MYO1E: variants seen among roughly 807,000 people sequenced by gnomAD.
The protein encoded by MYO1E is unconventional myosin-Ie.
In MYO1E, 68 loss-of-function variants were observed where a neutral mutation model predicts 151.1. The observed-to-expected ratio is 0.45, with a 90% CI of 0.37 to 0.55. MYO1E has a LOEUF of 0.55. Ranked by LOEUF, MYO1E falls within the 20% of genes least tolerant of loss-of-function variation. MYO1E has a pLI of 0.00. For synonymous variants in MYO1E, 601 were observed against 501.7 expected, an observed-to-expected ratio of 1.20 and a Z score of -2.64; for missense variants, 1,363 against 1,389.3, an observed-to-expected ratio of 0.98 and a Z score of 0.30.
chr15:59,244,897 T>C lies in MYO1E; in HGVS notation c.333-8225A>G, dbSNP rs530957604. ...ATATTAATTAGGCAGCCCTCCTGAA[T>C]AGCACTCCTTGGCTGATGATAAAGG... On this transcript the variant is annotated intron_variant, in intron 4 of 27. Coordinates refer to ENST00000288235, the MANE Select transcript of MYO1E (RefSeq NM_004998.4). Among the ~76,000 whole-genome samples the C allele has an allele frequency of 9.8e-5, 15 of 152,322 alleles. No individual in the cohort carries two copies. The South Asian group carries it at 3.1e-3, about 32-fold the overall frequency.
intron 1 of MYO1E, chr15:59,341,372 CTTCT>C (rs2080764787): frequency 6.6e-6 from 1 of 152,004 alleles, no homozygotes; most frequent in Non-Finnish European, 1.5e-5. Flanking sequence ...CCATGCTAAT[CTTCT>C]CTGTGTCATT....
intron 4 of MYO1E, among the ~76,000 whole-genome samples, chr15:59,242,154 T>G (rs115536865): frequency 0.021 from 3,147 of 152,292 alleles, 115 homozygotes; most frequent in African/African-American, 0.072. Context: ...ACCGACAAAC[T>G]TGCCTTTACC....
intron 1 of MYO1E, among the ~76,000 whole-genome samples, chr15:59,362,871 A>C (rs1400624337): frequency 2.0e-5 from 3 of 152,168 alleles, no homozygotes; most frequent in Non-Finnish European, 2.9e-5. Flanking sequence ...GTATTCTGTA[A>C]TGTATTTAAG....
chr15:59,149,052 GTTTTTTTTTTT>G (rs570700878), intron 26 of MYO1E, among the ~76,000 whole-genome samples: 55 of 128,222 alleles, frequency 4.3e-4, no homozygotes, highest in South Asian at 5.2e-4. Context: ...TTTTTTTTTT[GTTTTTTTTTTT>G]TTTTTTTTTT....
intron 1 of MYO1E, among the ~76,000 whole-genome samples, chr15:59,335,626 CA>C (rs1222722848): frequency 2.6e-5 from 4 of 152,174 alleles, no homozygotes. Flanking sequence ...TGAAGTCCCC[CA>C]CCTGTTTTCC....
chr15:59,176,923 G>A (rs974639093), intron 19 of MYO1E, among the ~76,000 whole-genome samples: 2 of 152,142 alleles, frequency 1.3e-5, no homozygotes, highest in Non-Finnish European at 2.9e-5. Context: ...ACAATTGAAT[G>A]TAAGGCAAGG....
intron 26 of MYO1E, among the ~76,000 whole-genome samples, chr15:59,146,454 T>G (rs971878068): frequency 3.3e-5 from 5 of 152,054 alleles, no homozygotes; most frequent in Admixed American, 6.6e-5. Flanking sequence ...TAGCTGGGAT[T>G]ATAGGCACCT....
chr15:59,212,303 C>G (rs1403937504), intron 12 of MYO1E, among the ~76,000 whole-genome samples: 3 of 151,994 alleles, frequency 2.0e-5, no homozygotes, highest in African/African-American at 4.8e-5. Flanking sequence ...ATGTGAACCT[C>G]TAGCCTACCC....
chr15:59,347,235 C>T (rs1354764021), intron 1 of MYO1E, among the ~76,000 whole-genome samples: 1 of 152,184 alleles, frequency 6.6e-6, no homozygotes, highest in African/African-American at 2.4e-5. Flanking sequence ...AGCACAAAGC[C>T]CATTGTGAAC....
At chr15:59,180,723 A>C (rs2079653274) in intron 18 of MYO1E, among the ~76,000 whole-genome samples, 1 of 152,044 alleles carries the variant, frequency 6.6e-6, no homozygotes, top group African/African-American at 2.4e-5. Flanking sequence ...CCAGGGCATA[A>C]ACCAACAACA....
Position 59,188,135 on chromosome 15 carries a change from G to C in MYO1E, c.1887C>G (p.Phe629Leu). 6.2e-7 allele frequency: 1 copy of C among 1,613,874 alleles called. No homozygotes were observed. The highest frequency in any genetic ancestry group is 8.5e-7 in the Non-Finnish European group (1 of 1,179,882). The change falls in exon 18 of 28, where the codon TTC (phenylalanine) becomes TTG (leucine). Residue 629 changes from phenylalanine (F) to leucine (L), a missense_variant. Phe to Leu is a conservative substitution (Grantham distance 22). Transcript: ENST00000288235. ...RRAGYAYRRI[F>L]QKFLQRYAIL... ...TTCATTACCTCTGTAGGAATTTTTG[G>C]AAGATGCGCCGATAGGCATAGCCAG...
chr15:59,252,740 A>C (rs2140368454), intron 4 of MYO1E, among the ~76,000 whole-genome samples: 1 of 149,656 alleles, frequency 6.7e-6, no homozygotes, highest in Non-Finnish European at 1.5e-5. Flanking sequence ...CGAAAGAATT[A>C]GCCAGGCATG....
chr15:59,338,883 G>T (rs1372588885), intron 1 of MYO1E, among the ~76,000 whole-genome samples: 1 of 152,224 alleles, frequency 6.6e-6, no homozygotes, highest in Non-Finnish European at 1.5e-5. Context: ...TGTAATCCCA[G>T]CATTTTTGGA....
At chr15:59,206,401 G>A (rs139263899) in intron 14 of MYO1E, among the ~76,000 whole-genome samples, 1 of 152,150 alleles carries the variant, frequency 6.6e-6, no homozygotes, top group Non-Finnish European at 1.5e-5. Flanking sequence ...GTGGGTCCTG[G>A]CCAGGACTGG....
intron 1 of MYO1E, among the ~76,000 whole-genome samples, chr15:59,332,349 C>T (rs2080703107): frequency 6.6e-6 from 1 of 152,174 alleles, no homozygotes; most frequent in African/African-American, 2.4e-5. Context: ...GAATCCTGGG[C>T]TTTTGTACAG....
chr15:59,307,352 T>C (rs2080520738), intron 1 of MYO1E, among the ~76,000 whole-genome samples: 1 of 152,196 alleles, frequency 6.6e-6, no homozygotes, highest in Non-Finnish European at 1.5e-5. Flanking sequence ...ACAGTCGTTT[T>C]CTATTGGAAG....
chr15:59,214,619 A>C (rs2079902134), intron 11 of MYO1E, 21 bp downstream of exon 11: 1 of 1,570,562 alleles, frequency 6.4e-7, no homozygotes, highest in Admixed American at 1.7e-5. Context: ...CTCAACCCCT[A>C]GTTATTAAAA....
intron 2 of MYO1E, chr15:59,271,148 A>C (rs1246185527): frequency 6.6e-6 from 1 of 152,186 alleles, no homozygotes; most frequent in Non-Finnish European, 1.5e-5. Context: ...ATACCTGATA[A>C]GTTGAACCCG....
chr15:59,151,961 G>A (rs910504653), intron 26 of MYO1E, among the ~76,000 whole-genome samples: 9 of 152,084 alleles, frequency 5.9e-5, no homozygotes, highest in South Asian at 2.1e-4. Context: ...CTGGCTACTC[G>A]GGAGGCTGAG....
Sources: allele counts gnomAD v4.1 joint callset (sites outside exome capture counted in the v4.1 genomes callset), GRCh38; gene constraint gnomAD v4.1.1; transcripts MANE v1.5; gene names NCBI Gene and HGNC (gene_info 2026-07-23, HGNC 2026-07-21).